The following PGBD5 variants were observed in gnomAD, a reference collection of about 807,000 sequenced individuals.
PGBD5 encodes the protein piggyBac transposable element-derived protein 5.
PGBD5 carries 14 observed loss-of-function variants against 47.9 expected under a neutral mutation model. The observed-to-expected ratio is 0.29, with a 90% CI of 0.19 to 0.46. The LOEUF (loss-of-function observed/expected upper bound fraction) is 0.46, where lower values mean the gene tolerates loss of function less well. PGBD5 is among the 20% of genes least tolerant of loss of function. PGBD5 has a pLI of 1.00. For synonymous variants in PGBD5, 316 were observed against 306.3 expected (o/e 1.03, Z -0.33); for missense variants, 635 against 716.0 (o/e 0.89, Z 1.29).
chr1:230,347,145 GA>G (rs1164860375), intron 3 of PGBD5, among the ~76,000 whole-genome samples: 1 of 152,246 alleles, frequency 6.6e-6, no homozygotes, highest in African/African-American at 2.4e-5. Flanking sequence ...ACAGCAGTGA[GA>G]ATCAGAGAAG....
intron 1 of PGBD5, among the ~76,000 whole-genome samples, chr1:230,404,610 T>C (rs1657249419): frequency 2.1e-5 from 1 of 47,900 alleles, no homozygotes; most frequent in African/African-American, 9.6e-5. Context: ...AAGTCTTGTC[T>C]CAAAAAAAAA....
Position 230,356,900 on chromosome 1 carries a change from T to C in PGBD5, c.753A>G (p.Gln251=), listed in dbSNP as rs756041493. The change falls in exon 2 of 7, where the codon CAA becomes CAG. Residue 251 remains glutamine (Q), a synonymous_variant. Transcript: ENST00000391860. ...CGTCCTGCGTGGGCCTCACCTGGGTTTGGGAAGGCCTGAAGGCAGAGTCGA... is the reference window on the plus strand; with the variant it reads ...CGTCCTGCGTGGGCCTCACCTGGGTCTGGGAAGGCCTGAAGGCAGAGTCGA... ...NSFDSAFRPS[Q]TQVLHEPLID... 5 of 1,612,260 alleles carry C rather than the reference T, an allele frequency of 3.1e-6. No individual in the cohort carries two copies. The highest frequency in any genetic ancestry group is 4.2e-6 in the Non-Finnish European group (5 of 1,178,716).
chr1:230,335,640 AAC>A lies in PGBD5; in HGVS notation c.1075+1466_1075+1467del, dbSNP rs1291142320. Reference sequence around the variant, plus strand: ...ACACACAGGTACACACACAGACACAAACACAGACGCACAAACAGACACACACA... The same window carrying A: ...ACACACAGGTACACACACAGACACAAACAGACGCACAAACAGACACACACA... On this transcript the variant is annotated intron_variant, in intron 4 of 6. Coordinates refer to ENST00000391860, the MANE Select transcript of PGBD5 (RefSeq NM_001258311.2). Among the ~76,000 whole-genome samples the A allele has an allele frequency of 3.6e-3, 12 of 3,290 alleles. 1 individual carries two copies. The South Asian group carries it at 0.091, about 25-fold the overall frequency. 2.2% of individuals were successfully genotyped at this position (3,290 alleles called of 152,430 possible). A position where few individuals can be genotyped will look rare whatever the true frequency, so the allele number is the denominator to read the frequency against.
At chr1:230,404,871 G>A (rs994343648) in intron 1 of PGBD5, among the ~76,000 whole-genome samples, 6 of 141,922 alleles carry the variant, frequency 4.2e-5, no homozygotes, top group African/African-American at 1.6e-4. Flanking sequence ...GTTGCAGTGA[G>A]CCAAGATTGT....
At chr1:230,327,838 G>C (rs1435182646) in intron 5 of PGBD5, among the ~76,000 whole-genome samples, 1 of 152,208 alleles carries the variant, frequency 6.6e-6, no homozygotes, top group African/African-American at 2.4e-5. Context: ...CTCCAAGACC[G>C]AGTAGGAGTA....
chr1:230,408,585 A>G (rs931358650), intron 1 of PGBD5, among the ~76,000 whole-genome samples: 2 of 152,216 alleles, frequency 1.3e-5, no homozygotes, highest in African/African-American at 2.4e-5. Context: ...TTGATTTTTG[A>G]CCATAGGTGT....
At chr1:230,399,109 C>T (rs373203797) in intron 1 of PGBD5, among the ~76,000 whole-genome samples, 16 of 152,088 alleles carry the variant, frequency 1.1e-4, no homozygotes, top group South Asian at 6.3e-4. Context: ...AAGAACACAC[C>T]GAGACAGGAG....
intron 5 of PGBD5, among the ~76,000 whole-genome samples, chr1:230,326,194 G>A (rs1667114897): frequency 6.6e-6 from 1 of 152,198 alleles, no homozygotes; most frequent in Non-Finnish European, 1.5e-5. Context: ...AAGGCGGGGG[G>A]ATCACCTGAG....
At chr1:230,416,689 G>A (rs34395222) in intron 1 of PGBD5, among the ~76,000 whole-genome samples, 7,686 of 152,312 alleles carry the variant, frequency 0.05, 230 homozygotes, top group Non-Finnish European at 0.07. Context: ...GGTAGGACGC[G>A]TGCTACAAGG....
At chr1:230,396,108 C>T (rs1656949216) in intron 1 of PGBD5, among the ~76,000 whole-genome samples, 1 of 148,400 alleles carries the variant, frequency 6.7e-6, no homozygotes, top group Non-Finnish European at 1.5e-5. Flanking sequence ...CCTACTGCTC[C>T]ACCCTCCACT....
At chr1:230,355,824 A>G (rs745700193) in intron 2 of PGBD5, among the ~76,000 whole-genome samples, 4 of 152,194 alleles carry the variant, frequency 2.6e-5, no homozygotes, top group South Asian at 2.1e-4. Flanking sequence ...CTTGGAAATC[A>G]TAACGAGCCT....
At chr1:230,375,117 C>A (rs1361305993) in intron 1 of PGBD5, among the ~76,000 whole-genome samples, 1 of 152,202 alleles carries the variant, frequency 6.6e-6, no homozygotes. Context: ...CAAGCAAAAG[C>A]ACCCACACTT....
At chr1:230,363,187 T>A (rs1667774795) in intron 1 of PGBD5, among the ~76,000 whole-genome samples, 1 of 152,152 alleles carries the variant, frequency 6.6e-6, no homozygotes, top group East Asian at 1.9e-4. Context: ...GCGATGCAGG[T>A]CCTGGGGGCC....
At chr1:230,386,170 T>A (rs1015386303) in intron 1 of PGBD5, among the ~76,000 whole-genome samples, 1 of 151,824 alleles carries the variant, frequency 6.6e-6, no homozygotes, top group African/African-American at 2.4e-5. Context: ...CTACAAAAAA[T>A]TTGGCAGGTG....
Position 230,319,562 on chromosome 1 carries a change from G to A in PGBD5, c.*3863C>T, listed in dbSNP as rs370093221. 3 of 152,272 alleles carry A rather than the reference G, an allele frequency of 2.0e-5. No individual in the cohort carries two copies. Among genetic ancestry groups the A allele is most frequent in the African/African-American group, 7.2e-5 (3 of 41,544 alleles). The allele number at this position is 152,272 out of a possible 1,614,324, so 9.4% of individuals were successfully genotyped here. A position where few individuals can be genotyped will look rare whatever the true frequency, so the allele number is the denominator to read the frequency against. ...GGTGACCCCCCCTCACTGTTGGGGG[G>A]GCTGAGCCTGGGTCCCTGGGGAGGA... is the stretch of plus-strand genomic sequence containing the variant. On this transcript the variant is annotated 3_prime_UTR_variant, in exon 7 of 7. Coordinates refer to ENST00000391860, the MANE Select transcript of PGBD5 (RefSeq NM_001258311.2).
At chr1:230,332,753 A>G in intron 5 of PGBD5, 91 bp downstream of exon 5, 1 of 1,440,582 alleles carries the variant, frequency 6.9e-7, no homozygotes, top group African/African-American at 1.4e-5. Flanking sequence ...CACAGCCCAC[A>G]GTGGACGCCA....
At chr1:230,410,838 A>G (rs1330437253) in intron 1 of PGBD5, among the ~76,000 whole-genome samples, 1 of 152,198 alleles carries the variant, frequency 6.6e-6, no homozygotes, top group Non-Finnish European at 1.5e-5. Flanking sequence ...TAAAAAATAA[A>G]AAAGGACACG....
intron 2 of PGBD5, among the ~76,000 whole-genome samples, chr1:230,354,341 C>T (rs984097299): frequency 6.6e-6 from 1 of 152,098 alleles, no homozygotes; most frequent in Admixed American, 6.5e-5. Flanking sequence ...TCACTTTCCA[C>T]CCTGCAGACC....
At chr1:230,337,764 T>C (rs1405677138) in intron 3 of PGBD5, among the ~76,000 whole-genome samples, 1 of 152,174 alleles carries the variant, frequency 6.6e-6, no homozygotes, top group Non-Finnish European at 1.5e-5. Flanking sequence ...AGAGGTATGA[T>C]TCCCCTCACG....
Sources: allele counts gnomAD v4.1 joint callset (sites outside exome capture counted in the v4.1 genomes callset), GRCh38; gene constraint gnomAD v4.1.1; transcripts MANE v1.5; gene names NCBI Gene and HGNC (gene_info 2026-07-23, HGNC 2026-07-21).